The following SORCS1 variants were observed in gnomAD, a reference collection of about 807,000 sequenced individuals.
The protein encoded by SORCS1 is sortilin related VPS10 domain containing receptor 1.
In SORCS1, 60 loss-of-function variants were observed where a neutral mutation model predicts 146.1. The observed-to-expected ratio is 0.41, with a 90% CI of 0.33 to 0.51. SORCS1 has a LOEUF of 0.51. Among genes scored for constraint, SORCS1 ranks in the 20% least tolerant of loss-of-function variants. The pLI, the probability that SORCS1 is intolerant of heterozygous loss-of-function variation, is 0.21. For missense variants in SORCS1, 1,352 were observed against 1,487.6 expected (o/e 0.91, Z 1.50); for synonymous variants, 637 against 584.0 (o/e 1.09, Z -1.31).
At chr10:106,822,409 G>C (rs994002242) in intron 3 of SORCS1, among the ~76,000 whole-genome samples, 1 of 152,096 alleles carries the variant, frequency 6.6e-6, no homozygotes, top group Non-Finnish European at 1.5e-5. Flanking sequence ...GAGTGACAAG[G>C]GGTTGTGGAG....
chr10:107,171,589 T>C, the SORCS1 span, among the ~76,000 whole-genome samples: 3 of 144,348 alleles, frequency 2.1e-5, no homozygotes, highest in East Asian at 6.4e-4. Context: ...CTATCTTGGC[T>C]CACTGCAACC....
intron 2 of SORCS1, among the ~76,000 whole-genome samples, chr10:106,850,071 G>C (rs12777324): frequency 0.036 from 5,455 of 151,844 alleles, 112 homozygotes; most frequent in East Asian, 0.056. Flanking sequence ...GAGGTGGAGT[G>C]TACAGAGGCA....
At chr10:106,896,927 G>A (rs1951505299) in intron 2 of SORCS1, among the ~76,000 whole-genome samples, 1 of 120,526 alleles carries the variant, frequency 8.3e-6, no homozygotes, top group African/African-American at 3.3e-5. Flanking sequence ...GTCTTGCTCT[G>A]TCTCCCAGGC....
intron 2 of SORCS1, among the ~76,000 whole-genome samples, chr10:106,862,950 C>T (rs188092093): frequency 5.8e-4 from 89 of 152,198 alleles, no homozygotes; most frequent in Middle Eastern, 3.4e-3. Context: ...TATACATTGT[C>T]AAATATGCAA....
chr10:107,005,788 C>T (rs555184354), intron 1 of SORCS1, among the ~76,000 whole-genome samples: 22 of 152,254 alleles, frequency 1.4e-4, no homozygotes, highest in Non-Finnish European at 2.9e-4. Flanking sequence ...ATGATTCTCA[C>T]ATATTTTGTG....
intron 4 of SORCS1, among the ~76,000 whole-genome samples, chr10:106,766,144 T>C (rs751265801): frequency 4.6e-5 from 7 of 152,178 alleles, no homozygotes; most frequent in Non-Finnish European, 8.8e-5. Context: ...GAAAACATCC[T>C]GCTGTCGGCT....
intron 10 of SORCS1, among the ~76,000 whole-genome samples, chr10:106,686,485 C>T (rs1852851090): frequency 1.3e-5 from 2 of 152,174 alleles, no homozygotes; most frequent in African/African-American, 4.8e-5. Context: ...TGGCATATCC[C>T]ATGCATCTTT....
Position 106,579,474 on chromosome 10 carries a change from G to A in SORCS1, c.3266C>T (p.Ala1089Val). The change falls in exon 25 of 26, where the codon GCC becomes GTC. Residue 1089 changes from alanine to valine, a missense_variant and splice_region_variant. By Grantham distance (64) the Ala-to-Val change is moderately conservative (BLOSUM62 0). This residue lies in a region of SORCS1 where 214 missense variants were observed against 204.8 expected (regional missense o/e 1.05). Coordinates refer to ENST00000263054, the MANE Select transcript of SORCS1 (RefSeq NM_052918.5). ...VLVHAAHLTAAPLVDLTPTHS... is the reference protein window; with the variant it reads ...VLVHAAHLTAVPLVDLTPTHS... ...GGTTGGAGTGAGGTCCACCAGGGGG[G>A]CTTGTGGGGGAAACAGAGCAGAGAA... is the stretch of plus-strand genomic sequence containing the variant. The A allele has an allele frequency of 6.2e-7, 1 of 1,613,642 alleles. No homozygotes were observed. Among genetic ancestry groups the A allele is most frequent in the Non-Finnish European group, 8.5e-7 (1 of 1,179,848 alleles).
At chr10:106,823,506 C>T (rs533026547) in intron 3 of SORCS1, among the ~76,000 whole-genome samples, 3 of 152,236 alleles carry the variant, frequency 2.0e-5, no homozygotes, top group African/African-American at 7.2e-5. Context: ...AGTCCAAAAG[C>T]GAACCAAAGT....
intron 17 of SORCS1, among the ~76,000 whole-genome samples, chr10:106,665,810 G>C (rs1486682649): frequency 1.3e-5 from 2 of 151,990 alleles, no homozygotes; most frequent in Non-Finnish European, 2.9e-5. Flanking sequence ...CCAGATATTT[G>C]GTCAAATGTT....
chr10:106,604,424 A>C (rs1023203835), intron 23 of SORCS1, among the ~76,000 whole-genome samples: 4 of 152,078 alleles, frequency 2.6e-5, no homozygotes, highest in Non-Finnish European at 5.9e-5. Context: ...TTTCAGGTGC[A>C]TTTTTCCATC....
intron 2 of SORCS1, among the ~76,000 whole-genome samples, chr10:106,838,693 C>A (rs1948893993): frequency 6.6e-6 from 1 of 152,124 alleles, no homozygotes; most frequent in African/African-American, 2.4e-5. Flanking sequence ...TGTTTTATTG[C>A]ACTTTATTTT....
chr10:107,174,361 A>G, the SORCS1 span, among the ~76,000 whole-genome samples: 2 of 151,928 alleles, frequency 1.3e-5, no homozygotes, highest in African/African-American at 2.4e-5. Context: ...GCCCGCCACC[A>G]TTCCCGGCTA....
In SORCS1 at chr10:106,618,411, A is replaced by C. The variant is rs116616532; in HGVS notation, c.2797-139T>G. The C allele has an allele frequency of 9.3e-4, 948 of 1,013,954 alleles. 9 individuals carry two copies. The African/African-American group carries it at 0.014, about 15-fold the overall frequency. 62.8% of individuals were successfully genotyped at this position (1,013,954 alleles called of 1,614,324 possible). ...TACCACAATGGCACTGAGTCCCTCT[A>C]TGCCTCCCTATCATCTCAAGCCCAA... On this transcript the variant is annotated intron_variant, in intron 20 of 25. Transcript: ENST00000263054.
chr10:107,105,465 A>T (rs1170186255), intron 1 of SORCS1, among the ~76,000 whole-genome samples: 1 of 152,234 alleles, frequency 6.6e-6, no homozygotes, highest in African/African-American at 2.4e-5. Flanking sequence ...AGCTAGTCCC[A>T]GTCCCAAAAC....
chr10:107,040,093 T>C (rs568568150), intron 1 of SORCS1, among the ~76,000 whole-genome samples: 1 of 152,260 alleles, frequency 6.6e-6, no homozygotes, highest in African/African-American at 2.4e-5. Context: ...CTAAACCTAG[T>C]AAGACAGTGG....
intron 10 of SORCS1, among the ~76,000 whole-genome samples, chr10:106,684,562 C>T (rs1171596676): frequency 6.6e-6 from 1 of 152,074 alleles, no homozygotes; most frequent in Admixed American, 6.6e-5. Flanking sequence ...GAAAGAAATC[C>T]CAGCTGGGCC....
chr10:107,121,763 A>G (rs1033628076), intron 1 of SORCS1, among the ~76,000 whole-genome samples: 4 of 152,206 alleles, frequency 2.6e-5, no homozygotes, highest in African/African-American at 9.6e-5. Flanking sequence ...TTTCTTGTGT[A>G]TGCATCTCTT....
intron 23 of SORCS1, chr10:106,600,823 A>G: frequency 1.7e-6 from 1 of 574,382 alleles, no homozygotes; most frequent in Non-Finnish European, 2.2e-6. Context: ...CATTAAAAAT[A>G]TTTTCCTTGA....
Sources: gnomAD v4.1 joint callset for allele counts (sites outside exome capture counted in the v4.1 genomes callset) on GRCh38, gnomAD v4.1.1 for gene constraint, gnomAD v4.1.1 regional missense constraint, MANE v1.5 for transcripts, NCBI Gene and HGNC (gene_info 2026-07-23, HGNC 2026-07-21) for gene names.